Variants in CEP72 observed in about 807,000 individuals in gnomAD.
CEP72 encodes centrosomal protein 72.
Under a neutral mutation model 65.7 loss-of-function variants are expected in CEP72, and 78 were observed. That is an observed-to-expected ratio of 1.19 (90% CI 0.99 to 1.43). CEP72 has a LOEUF of 1.43. Ranked by LOEUF, CEP72 falls within the 40% of genes most tolerant of loss-of-function variation. The pLI, the probability that CEP72 is intolerant of heterozygous loss-of-function variation, is 0.00. For missense variants in CEP72, 914 were observed against 832.9 expected (o/e 1.10, Z -1.20); for synonymous variants, 358 against 351.7 (o/e 1.02, Z -0.20).
intron 9 of CEP72, chr5:641,352 C>T (rs960951176): frequency 4.1e-6 from 4 of 985,424 alleles, no homozygotes; most frequent in Non-Finnish European, 4.8e-6. Flanking sequence ...AGGGCAGAGC[C>T]ACGTGAGGAT....
chr5:639,192 G>A lies in CEP72; in HGVS notation c.1310G>A (p.Cys437Tyr), dbSNP rs1737833731. Residue 437 changes from cysteine (C) to tyrosine (Y), a missense_variant, in exon 8 of 12, where the codon TGC becomes TAC. Physicochemically the swap from Cys to Tyr is radical, Grantham distance 194 (BLOSUM62 -2). Transcript: ENST00000264935. ...CTGGTGGACAGGAGCTGGGGCGGCT[G>A]CAGGTCCCTGCACAGCAACGAGGCA... ...LDLVDRSWGG[C>Y]RSLHSNEAFL... 6.2e-7 allele frequency: 1 copy of A among 1,604,050 alleles called. No homozygotes were observed. The highest frequency in any genetic ancestry group is 1.1e-5 in the South Asian group (1 of 90,300).
At chr5:650,583 A>G (rs1297927530) in intron 11 of CEP72, among the ~76,000 whole-genome samples, 1 of 10,700 alleles carries the variant, frequency 9.3e-5, no homozygotes, top group Non-Finnish European at 1.4e-4. Flanking sequence ...GTGAGGTGTG[A>G]CTGTGGGTGT....
At chr5:657,241 A>C (rs1054955991), downstream of CEP72, 1 of 152,114 alleles carries the variant, frequency 6.6e-6, no homozygotes, top group Non-Finnish European at 1.5e-5. Context: ...TGGCTTCCTC[A>C]CAGGATTGTT....
In CEP72 at chr5:629,132, T is replaced by C. The variant is rs1181267047; in HGVS notation, c.512+4553T>C. Reference sequence around the variant, plus strand: ...CCCTTGGGTTTGTTTTGTGTAGATATCTCTTAACTGCCTTTGTTGGAAACA... The same window carrying C: ...CCCTTGGGTTTGTTTTGTGTAGATACCTCTTAACTGCCTTTGTTGGAAACA... On this transcript the variant is annotated intron_variant, in intron 4 of 11. Transcript: ENST00000264935. Among the ~76,000 whole-genome samples, 7 of 152,262 alleles carry C rather than the reference T, an allele frequency of 4.6e-5. No individual in the cohort carries two copies. The East Asian group carries it at 1.2e-3, about 25-fold the overall frequency.
downstream of CEP72, among the ~76,000 whole-genome samples, chr5:667,766 G>A (rs1295893388): frequency 6.6e-6 from 1 of 151,404 alleles, no homozygotes; most frequent in Non-Finnish European, 1.5e-5. Context: ...GAGAAGACAC[G>A]TGCATGCAGA....
intron 1 of CEP72, among the ~76,000 whole-genome samples, chr5:614,048 TA>T (rs1342627553): frequency 6.6e-6 from 1 of 152,232 alleles, no homozygotes; most frequent in Non-Finnish European, 1.5e-5. Flanking sequence ...TTTACAGGGA[TA>T]TCCCTTTTCT....
the CEP72 span, among the ~76,000 whole-genome samples, chr5:675,141 G>GTGTGGCCAGGGGTACAA: frequency 5.7e-5 from 3 of 52,896 alleles, no homozygotes; most frequent in Non-Finnish European, 9.9e-5. Flanking sequence ...CAGGGGTGCA[G>GTGTGGCCAGGGGTACAA]TGTGGCCAGG....
intron 6 of CEP72, among the ~76,000 whole-genome samples, chr5:635,891 G>A (rs1332141738): frequency 6.6e-6 from 1 of 150,510 alleles, no homozygotes; most frequent in Non-Finnish European, 1.5e-5. Flanking sequence ...CCTTTATCAG[G>A]AACCCAGCCC....
chr5:613,389 T>C (rs1176595616), intron 1 of CEP72, among the ~76,000 whole-genome samples: 2 of 151,914 alleles, frequency 1.3e-5, no homozygotes, highest in African/African-American at 2.4e-5. Context: ...TTTTTTTTTT[T>C]AGACGGAGTC....
chr5:625,615 G>A (rs1026842103), intron 4 of CEP72, among the ~76,000 whole-genome samples: 9 of 152,170 alleles, frequency 5.9e-5, no homozygotes, highest in African/African-American at 1.7e-4. Flanking sequence ...CCCTGGGATC[G>A]CCTCTTCCCT....
intron 4 of CEP72, among the ~76,000 whole-genome samples, chr5:625,268 G>T (rs1269874494): frequency 6.6e-6 from 1 of 152,196 alleles, no homozygotes; most frequent in African/African-American, 2.4e-5. Flanking sequence ...GCATAGCCGT[G>T]GAAAGTGGTC....
the CEP72 span, among the ~76,000 whole-genome samples, chr5:674,501 G>A: frequency 1.3e-5 from 2 of 152,076 alleles, no homozygotes; most frequent in South Asian, 2.1e-4. Context: ...CCGAGTGCCC[G>A]GGACACGTCC....
intron 3 of CEP72, among the ~76,000 whole-genome samples, chr5:665,649 A>AC (rs1375998547): frequency 1.7e-4 from 13 of 76,946 alleles, no homozygotes; most frequent in East Asian, 3.8e-4. Context: ...CCTCCCCAGG[A>AC]CCCCCCCAGG....
At position 645,236 on chromosome 5, in the gene CEP72, AGGCCTGT is replaced by A. The variant is rs1242378088; in HGVS notation, c.1666+816_1666+822del. ...TGCGGCAGGGAGGCAGCTGTGGATG[AGGCCTGT>A]GGCCGCTCTGTCTCCTTTGGGGCAG... On this transcript the variant is annotated intron_variant, in intron 10 of 11. Transcript: ENST00000264935. The surrounding 1 kb of genome is among the most constrained non-coding windows in gnomAD (Gnocchi z 4.0). 1.3e-5 allele frequency among the ~76,000 whole-genome samples: 2 copies of A among 152,062 alleles called. No homozygotes were observed. The highest frequency in any genetic ancestry group is 2.9e-5 in the Non-Finnish European group (2 of 67,992).
intron 11 of CEP72, among the ~76,000 whole-genome samples, chr5:649,541 G>T (rs1176109739): frequency 3.1e-3 from 256 of 82,504 alleles, no homozygotes; most frequent in Middle Eastern, 0.011. Flanking sequence ...GGACTGTGAG[G>T]TGTGACTGTG....
downstream of CEP72, among the ~76,000 whole-genome samples, chr5:667,659 C>T (rs1261526706): frequency 6.6e-6 from 1 of 152,148 alleles, no homozygotes; most frequent in Non-Finnish European, 1.5e-5. Flanking sequence ...TGAGAAAGGA[C>T]TTGTCTCTGA....
At chr5:668,039 T>C (rs367668781), downstream of CEP72, among the ~76,000 whole-genome samples, 14 of 23,980 alleles carry the variant, frequency 5.8e-4, no homozygotes, top group Non-Finnish European at 4.1e-4. Context: ...GAGGGGGCCG[T>C]GTGGGCGCCG....
chr5:623,019 C>T lies in CEP72; in HGVS notation c.404-1452C>T, dbSNP rs182804951. Among the ~76,000 whole-genome samples, 22 of 152,260 alleles carry T rather than the reference C, an allele frequency of 1.4e-4. No homozygotes were observed. The highest frequency in any genetic ancestry group is 3.4e-3 in the Middle Eastern group (1 of 294). Reference sequence around the variant, plus strand: ...TGTTTCTGCAGAGAAGGAGCGCAGCCGTCTCCCCTCTTAGTGTTTCTGTAG... The same window carrying T: ...TGTTTCTGCAGAGAAGGAGCGCAGCTGTCTCCCCTCTTAGTGTTTCTGTAG... On this transcript the variant is annotated intron_variant, in intron 3 of 11. Coordinates refer to ENST00000264935, the MANE Select transcript of CEP72 (RefSeq NM_018140.4). The surrounding 1 kb of genome is among the most constrained non-coding windows in gnomAD (Gnocchi z 5.3).
In CEP72 at chr5:653,045, G is replaced by A; in HGVS notation, c.1836G>A (p.Gln612=). The change falls in exon 12 of 12, where the codon CAG becomes CAA. Residue 612 remains glutamine, a synonymous_variant. Coordinates refer to ENST00000264935, the MANE Select transcript of CEP72 (RefSeq NM_018140.4). ...LLQELSQVRA[Q]HRAEVEQMHW... is the part of the protein sequence containing the mutation. ...AGGAGCTGAGCCAGGTGCGGGCGCA[G>A]CACAGAGCCGAGGTGGAGCAGATGC... 1 of 1,613,856 alleles carries A rather than the reference G, an allele frequency of 6.2e-7. No individual in the cohort carries two copies. Among genetic ancestry groups the A allele is most frequent in the Non-Finnish European group, 8.5e-7 (1 of 1,179,986 alleles).
Sources: gnomAD v4.1 joint callset for allele counts (sites outside exome capture counted in the v4.1 genomes callset) on GRCh38, gnomAD v4.1.1 for gene constraint, Gnocchi (gnomAD v3.1) non-coding constraint, MANE v1.5 for transcripts, NCBI Gene and HGNC (gene_info 2026-07-23, HGNC 2026-07-21) for gene names.